The following SORBS3 variants were observed in gnomAD, a reference collection of about 807,000 sequenced individuals.
The protein encoded by SORBS3 is sorbin and SH3 domain containing 3.
SORBS3 carries 69 observed loss-of-function variants against 98.0 expected under a neutral mutation model. The ratio of observed to expected loss-of-function variants is 0.70; its 90% CI spans 0.58 to 0.86. The LOEUF (loss-of-function observed/expected upper bound fraction) is 0.86. Among genes scored for constraint, SORBS3 ranks in the 40% least tolerant of loss-of-function variants. SORBS3 has a pLI of 0.00. For missense variants in SORBS3, 954 were observed against 908.5 expected, an observed-to-expected ratio of 1.05 and a Z score of -0.64; for synonymous variants, 394 against 355.4, an observed-to-expected ratio of 1.11 and a Z score of -1.22.
rs765293608 is a variant in SORBS3, at chr8:22,554,637, C to T, written c.102+29C>T. 1.9e-6 allele frequency: 3 copies of T among 1,592,374 alleles called. No homozygotes were observed. Among genetic ancestry groups the T allele is most frequent in the South Asian group, 2.3e-5 (2 of 88,572 alleles). On this transcript the variant is annotated intron_variant, in intron 2 of 20. Transcript: ENST00000240123. This position sits in a 1 kb window ranked among gnomAD's most constrained non-coding sequence, Gnocchi z 6.5. ...AGTGAGTCAGTAGGGAGGAGGGTGT[C>T]CTGCGGGCCCGGAGTTGGTTGGGAC...
chr8:22,556,193 G>A (rs956465150), intron 3 of SORBS3, among the ~76,000 whole-genome samples: 3 of 152,230 alleles, frequency 2.0e-5, no homozygotes, highest in Non-Finnish European at 2.9e-5. Context: ...TTCACTGAGA[G>A]CCTCTCGACT....
Position 22,554,735 on chromosome 8 carries a change from G to T in SORBS3, c.102+127G>T. On this transcript the variant is annotated intron_variant, in intron 2 of 20. Transcript: ENST00000240123. This position sits in a 1 kb window ranked among gnomAD's most constrained non-coding sequence, Gnocchi z 6.5. Reference sequence around the variant, plus strand: ...GCTGAAGAGAGCTCTGGGGGGCCTCGCTGGTTTCCCACAAAATCGTCAGGC... The same window carrying T: ...GCTGAAGAGAGCTCTGGGGGGCCTCTCTGGTTTCCCACAAAATCGTCAGGC... 2.2e-6 allele frequency: 3 copies of T among 1,367,038 alleles called. No homozygotes were observed. The highest frequency in any genetic ancestry group is 2.5e-5 in the East Asian group (1 of 40,188). The allele number at this position is 1,367,038 out of a possible 1,614,324, so 84.7% of individuals were successfully genotyped here. A position where few individuals can be genotyped will look rare whatever the true frequency, so the allele number is the denominator to read the frequency against.
At chr8:22,550,810 G>A (rs903572565), upstream of SORBS3, among the ~76,000 whole-genome samples, 1 of 152,238 alleles carries the variant, frequency 6.6e-6, no homozygotes, top group Non-Finnish European at 1.5e-5. Context: ...CTCCCAGCTC[G>A]TAGCTAAAGT....
chr8:22,575,197 T>C lies in SORBS3; in HGVS notation c.*469T>C, dbSNP rs938938915. 1 of 312,872 alleles carries C rather than the reference T, an allele frequency of 3.2e-6. No homozygotes were observed. The highest frequency in any genetic ancestry group is 4.5e-5 in the Admixed American group (1 of 22,134). The allele number at this position is 312,872 out of a possible 1,614,324, so 19.4% of individuals were successfully genotyped here. ...CACCCCAGCTTGCTGGCTGCCCTCT[T>C]TGCCTTCTGGCCTCCAGCTGGGTGT... On this transcript the variant is annotated 3_prime_UTR_variant, in exon 21 of 21. Coordinates refer to ENST00000240123, the MANE Select transcript of SORBS3 (RefSeq NM_005775.5).
chr8:22,554,932 G>T lies in SORBS3; in HGVS notation c.172G>T (p.Val58Leu). The T allele has an allele frequency of 6.2e-7, 1 of 1,613,748 alleles. No homozygotes were observed. Among genetic ancestry groups the T allele is most frequent in the Non-Finnish European group, 8.5e-7 (1 of 1,179,992 alleles). Residue 58 changes from valine (V) to leucine (L), a missense_variant, in exon 3 of 21, where the codon GTG becomes TTG. By Grantham distance (32) the Val-to-Leu change is conservative (BLOSUM62 1). Transcript: ENST00000240123. This position sits in a 1 kb window ranked among gnomAD's most constrained non-coding sequence, Gnocchi z 6.5. Reference sequence around the variant, plus strand: ...GTTCCACGACCCCGCGCCCAGGACTGTGTGCAATGGGGGCTACACACCAAG... The same window carrying T: ...GTTCCACGACCCCGCGCCCAGGACTTTGTGCAATGGGGGCTACACACCAAG... ...FQFHDPAPRT[V>L]CNGGYTPRRD... is the part of the protein sequence containing the mutation.
At chr8:22,561,979 C>G (rs757390093) in intron 7 of SORBS3, 48 bp downstream of exon 7, 31 of 1,575,986 alleles carry the variant, frequency 2.0e-5, no homozygotes, top group Non-Finnish European at 2.6e-5. Flanking sequence ...GCGCGGCCCG[C>G]GAGACACCAT....
upstream of SORBS3, chr8:22,551,698 G>T: frequency 2.0e-6 from 2 of 981,450 alleles, no homozygotes; most frequent in Non-Finnish European, 2.4e-6. This position sits in a 1 kb window ranked among gnomAD's most constrained non-coding sequence, Gnocchi z 5.8. Context: ...GTGTCCCCGC[G>T]CGCGCCCCGA....
chr8:22,555,054 G>C, intron 3 of SORBS3, 74 bp downstream of exon 3: 1 of 1,274,278 alleles, frequency 7.8e-7, no homozygotes, highest in South Asian at 1.3e-5. Flanking sequence ...CCTGTGTCAA[G>C]CGGGAGGGGC....
chr8:22,565,983 G>C (rs1341090937), intron 12 of SORBS3, 111 bp downstream of exon 12: 1 of 749,454 alleles, frequency 1.3e-6, no homozygotes. Flanking sequence ...AGCCGGGGGA[G>C]GAAGGAACCG....
At chr8:22,565,423 C>G (rs533690584) in intron 11 of SORBS3, 69 bp downstream of exon 11, 21 of 1,310,728 alleles carry the variant, frequency 1.6e-5, no homozygotes, top group Non-Finnish European at 2.1e-5. Flanking sequence ...CCGGGAGCCT[C>G]GGCGGCTGGG....
upstream of SORBS3, among the ~76,000 whole-genome samples, chr8:22,548,973 C>T (rs1306112451): frequency 6.6e-6 from 1 of 152,194 alleles, no homozygotes; most frequent in Admixed American, 6.5e-5. Context: ...CTAATCCTCC[C>T]CTGCAGGGGG....
rs1222861021 is a variant in SORBS3 at position 22,554,669 on chromosome 8, AG to A, written c.102+63del. On this transcript the variant is annotated intron_variant, in intron 2 of 20. Transcript: ENST00000240123. The surrounding 1 kb of genome is among the most constrained non-coding windows in gnomAD (Gnocchi z 6.5). ...GCCCGGAGTTGGTTGGGACGCTAGCAGGTCAGGTGGGGGCAGGAGGATGAAA... is the reference window on the plus strand; with the variant it reads ...GCCCGGAGTTGGTTGGGACGCTAGCAGTCAGGTGGGGGCAGGAGGATGAAA... 1 of 1,526,646 alleles carries A rather than the reference AG, an allele frequency of 6.6e-7. No homozygotes were observed. The highest frequency in any genetic ancestry group is 8.8e-7 in the Non-Finnish European group (1 of 1,134,544). The allele number at this position is 1,526,646 out of a possible 1,614,324, so 94.6% of individuals were successfully genotyped here.
chr8:22,553,727 C>T (rs1840130419), intron 1 of SORBS3, among the ~76,000 whole-genome samples: 1 of 152,220 alleles, frequency 6.6e-6, no homozygotes, highest in South Asian at 2.1e-4. Context: ...GCAGAACACC[C>T]CAGGGCACTC....
chr8:22,571,242 C>T (rs1840575570), intron 18 of SORBS3, 21 bp downstream of exon 18: 1 of 1,483,616 alleles, frequency 6.7e-7, no homozygotes, highest in African/African-American at 1.4e-5. Flanking sequence ...CTGCCTCCAC[C>T]AGAGAGTCGA....
chr8:22,569,438 C>G (rs1272904928), intron 17 of SORBS3, among the ~76,000 whole-genome samples, 165 bp downstream of exon 17: 1 of 152,106 alleles, frequency 6.6e-6, no homozygotes, highest in Non-Finnish European at 1.5e-5. Context: ...CTCCCGGGTT[C>G]AAGCAATTCT....
In SORBS3 at chr8:22,554,957, G is replaced by A; in HGVS notation, c.197G>A (p.Arg66Lys). 6.2e-7 allele frequency: 1 copy of A among 1,613,684 alleles called. No homozygotes were observed. Among genetic ancestry groups the A allele is most frequent in the Non-Finnish European group, 8.5e-7 (1 of 1,179,954 alleles). The change falls in exon 3 of 21, where the codon AGA becomes AAA. Residue 66 changes from arginine (R) to lysine (K), a missense_variant. Physicochemically the swap from Arg to Lys is conservative, Grantham distance 26. Coordinates refer to ENST00000240123, the MANE Select transcript of SORBS3 (RefSeq NM_005775.5). The surrounding 1 kb of genome is among the most constrained non-coding windows in gnomAD (Gnocchi z 6.5). The stretch of plus-strand genomic sequence containing the variant: ...GTGTGCAATGGGGGCTACACACCAA[G>A]ACGAGATGCTTCCCAGCACCCGGGT... ...RTVCNGGYTP[R>K]RDASQHPDPA...
chr8:22,562,879 G>A (rs1356440143), intron 7 of SORBS3, among the ~76,000 whole-genome samples: 1 of 152,234 alleles, frequency 6.6e-6, no homozygotes, highest in Admixed American at 6.5e-5. Context: ...CACTTTTGGA[G>A]GCTGAGGCGG....
Position 22,566,868 on chromosome 8 carries a change from A to T in SORBS3, c.1190A>T (p.Lys397Met). 6.2e-7 allele frequency: 1 copy of T among 1,609,982 alleles called. No individual in the cohort carries two copies. The highest frequency in any genetic ancestry group is 2.2e-5 in the East Asian group (1 of 44,584). Reference sequence around the variant, plus strand: ...TTTGACTTCCAGGCGCAGTCCCCCAAGTAAGCGCCCTCCTCCCCCTCCCCT... The same window carrying T: ...TTTGACTTCCAGGCGCAGTCCCCCATGTAAGCGCCCTCCTCCCCCTCCCCT... ...LKFDFQAQSPKELTLQKGDIV... is the reference protein window; with the variant it reads ...LKFDFQAQSPMELTLQKGDIV... The change falls in exon 15 of 21, where the codon AAG becomes ATG. Residue 397 changes from lysine (K) to methionine (M), a missense_variant and splice_region_variant. Lys to Met is a moderately conservative substitution (Grantham distance 95). Coordinates refer to ENST00000240123, the MANE Select transcript of SORBS3 (RefSeq NM_005775.5).
chr8:22,554,975 A>G lies in SORBS3; in HGVS notation c.215A>G (p.His72Arg), dbSNP rs1163374760. Reference sequence around the variant, plus strand: ...ACACCAAGACGAGATGCTTCCCAGCACCCGGGTAGGTCTGCTCAGGAGCCT... The same window carrying G: ...ACACCAAGACGAGATGCTTCCCAGCGCCCGGGTAGGTCTGCTCAGGAGCCT... The part of the protein sequence containing the change: ...GYTPRRDASQ[H>R]PDPAWYQTWP... The change falls in exon 3 of 21, where the codon CAC becomes CGC. Residue 72 changes from histidine to arginine, a missense_variant. Transcript: ENST00000240123. This position sits in a 1 kb window ranked among gnomAD's most constrained non-coding sequence, Gnocchi z 6.5. 1.9e-6 allele frequency: 3 copies of G among 1,612,798 alleles called. No homozygotes were observed. The highest frequency in any genetic ancestry group is 1.3e-5 in the African/African-American group (1 of 74,892).
Sources: allele counts gnomAD v4.1 joint callset (sites outside exome capture counted in the v4.1 genomes callset), GRCh38; gene constraint gnomAD v4.1.1; non-coding constraint Gnocchi (gnomAD v3.1); transcripts MANE v1.5; gene names NCBI Gene and HGNC (gene_info 2026-07-23, HGNC 2026-07-21).